TAF1B: variants seen among roughly 807,000 people sequenced by gnomAD.
TAF1B encodes the protein TATA box-binding protein-associated factor RNA polymerase I subunit B.
In TAF1B, 61 loss-of-function variants were observed where a neutral mutation model predicts 83.9. The observed-to-expected ratio is 0.73, with a 90% CI of 0.59 to 0.90. TAF1B has a LOEUF of 0.90. TAF1B is among the 40% of genes least tolerant of loss of function. The pLI, the probability that TAF1B is intolerant of heterozygous loss-of-function variation, is 0.00. For missense variants in TAF1B, 625 were observed against 677.0 expected, an observed-to-expected ratio of 0.92 and a Z score of 0.85; for synonymous variants, 221 against 224.6, an observed-to-expected ratio of 0.98 and a Z score of 0.14.
intron 6 of TAF1B, among the ~76,000 whole-genome samples, chr2:9,871,303 C>G (rs992945708): frequency 1.3e-5 from 2 of 152,020 alleles, no homozygotes. Context: ...AGGATGGCCT[C>G]GATCTCCTGA....
intron 2 of TAF1B, among the ~76,000 whole-genome samples, chr2:9,847,109 T>C (rs1276403013): frequency 6.6e-6 from 1 of 152,236 alleles, no homozygotes; most frequent in Non-Finnish European, 1.5e-5. Flanking sequence ...TGATTCTGTT[T>C]GATCAAATCT....
chr2:9,906,546 G>C (rs955784406), intron 9 of TAF1B, among the ~76,000 whole-genome samples: 1 of 152,136 alleles, frequency 6.6e-6, no homozygotes, highest in African/African-American at 2.4e-5. Flanking sequence ...AAAGGGAAGG[G>C]TTATGTAAAC....
chr2:9,868,788 T>C (rs1404529164), intron 6 of TAF1B: 2 of 449,634 alleles, frequency 4.4e-6, no homozygotes, highest in African/African-American at 2.0e-5. Context: ...TATAGTAAAA[T>C]AGACAAAGAT....
intron 12 of TAF1B, among the ~76,000 whole-genome samples, chr2:9,916,986 A>G (rs1432317826): frequency 6.6e-6 from 1 of 152,006 alleles, no homozygotes; most frequent in East Asian, 1.9e-4. Context: ...AGCTGAGATT[A>G]CAGGCATGTG....
chr2:9,881,986 ACCT>A (rs1473201388), intron 7 of TAF1B, among the ~76,000 whole-genome samples: 6 of 151,954 alleles, frequency 3.9e-5, no homozygotes, highest in Admixed American at 3.3e-4. Flanking sequence ...ATCAAGGTAG[ACCT>A]CCTTGAAGGA....
At chr2:9,859,736 A>G (rs1663690721) in intron 5 of TAF1B, among the ~76,000 whole-genome samples, 1 of 152,124 alleles carries the variant, frequency 6.6e-6, no homozygotes, top group African/African-American at 2.4e-5. Context: ...GGAATTTCCA[A>G]ACTTTCTTTC....
At chr2:9,909,531 A>G (rs760920274) in intron 9 of TAF1B, among the ~76,000 whole-genome samples, 16 of 152,200 alleles carry the variant, frequency 1.1e-4, no homozygotes, top group Non-Finnish European at 1.9e-4. Context: ...TGGGGGAACT[A>G]TGGAGATTAG....
intron 9 of TAF1B, among the ~76,000 whole-genome samples, chr2:9,906,183 T>C (rs1459110808): frequency 3.9e-5 from 6 of 152,228 alleles, no homozygotes; most frequent in African/African-American, 1.4e-4. Context: ...ATATAACTGA[T>C]GCAGCCTGGT....
At chr2:9,857,432 A>G (rs1663599116) in intron 5 of TAF1B, among the ~76,000 whole-genome samples, 1 of 152,200 alleles carries the variant, frequency 6.6e-6, no homozygotes, top group South Asian at 2.1e-4. Context: ...ATAGGAGTCA[A>G]TGATGACTCT....
At chr2:9,915,092 G>T (rs1360384388) in intron 12 of TAF1B, among the ~76,000 whole-genome samples, 1 of 152,326 alleles carries the variant, frequency 6.6e-6, no homozygotes, top group Admixed American at 6.5e-5. Flanking sequence ...CTACTTTGAT[G>T]ACTTCTAGCT....
At chr2:9,900,747 G>A (rs1665156877) in intron 8 of TAF1B, among the ~76,000 whole-genome samples, 1 of 152,076 alleles carries the variant, frequency 6.6e-6, no homozygotes, top group South Asian at 2.1e-4. Context: ...GAAAAGGGAG[G>A]TGTCAAGGAT....
At chr2:9,855,739 T>C (rs1663543737) in intron 5 of TAF1B, among the ~76,000 whole-genome samples, 1 of 152,208 alleles carries the variant, frequency 6.6e-6, no homozygotes, top group Non-Finnish European at 1.5e-5. Context: ...TAGCTTAGTC[T>C]AGCCCACTTT....
At position 9,933,844 on chromosome 2, in the gene TAF1B, C is replaced by T. The variant is rs779335921; in HGVS notation, c.1627C>T (p.Leu543=). 1 of 1,613,852 alleles carries T rather than the reference C, an allele frequency of 6.2e-7. No homozygotes were observed. The highest frequency in any genetic ancestry group is 8.5e-7 in the Non-Finnish European group (1 of 1,179,854). Reference sequence around the variant, plus strand: ...TTATTCTCTGAGTTATCAGTTTATACTAAATCTCTTCTCCTTCCTGCTCAG... The same window carrying T: ...TTATTCTCTGAGTTATCAGTTTATATTAAATCTCTTCTCCTTCCTGCTCAG... ...SNYSLSYQFI[L]NLFSFLLRIK... The change falls in exon 15 of 15, where the codon CTA becomes TTA. Residue 543 remains leucine (L), a synonymous_variant. Transcript: ENST00000263663.
intron 4 of TAF1B, chr2:9,851,851 T>A (rs1433557523): frequency 1.6e-6 from 1 of 641,634 alleles, no homozygotes; most frequent in Non-Finnish European, 2.9e-6. Context: ...AAAGAAAAAT[T>A]TAAAGGTTTT....
chr2:9,866,867 A>G (rs569988866), intron 5 of TAF1B, among the ~76,000 whole-genome samples: 5 of 151,904 alleles, frequency 3.3e-5, no homozygotes, highest in Non-Finnish European at 5.9e-5. Context: ...GTTCTCACTC[A>G]TAGGTGGGAA....
At chr2:9,868,545 C>A (rs1664068386) in intron 6 of TAF1B, 116 bp downstream of exon 6, 2 of 1,386,520 alleles carry the variant, frequency 1.4e-6, no homozygotes, top group Non-Finnish European at 2.0e-6. Flanking sequence ...GAGGAAGAAT[C>A]TAGCAAGGAA....
chr2:9,875,782 T>G, intron 6 of TAF1B, 83 bp from the exon 7 acceptor site: 1 of 1,412,138 alleles, frequency 7.1e-7, no homozygotes, highest in South Asian at 1.4e-5. Context: ...ATATTTAAAA[T>G]GCCTGTTTAG....
chr2:9,843,511 TC>T lies in TAF1B; in HGVS notation c.-28del. 2 of 1,523,808 alleles carry T rather than the reference TC, an allele frequency of 1.3e-6. No homozygotes were observed. Among genetic ancestry groups the T allele is most frequent in the Non-Finnish European group, 1.8e-6 (2 of 1,132,390 alleles). The allele number at this position is 1,523,808 out of a possible 1,614,324, so 94.4% of individuals were successfully genotyped here. A position where few individuals can be genotyped will look rare whatever the true frequency, so the allele number is the denominator to read the frequency against. On this transcript the variant is annotated 5_prime_UTR_variant, in exon 1 of 15. Coordinates refer to ENST00000263663, the MANE Select transcript of TAF1B (RefSeq NM_005680.3). ...CTGCGCTCGCTACCCGGGTAACGGGTCCCGGCTGTGGAAGCTCCCGCGGCGC... is the reference window on the plus strand; with the variant it reads ...CTGCGCTCGCTACCCGGGTAACGGGTCCGGCTGTGGAAGCTCCCGCGGCGC...
chr2:9,916,834 G>GTTGTTTTTTTTTTTTTTTT (rs1572282272), intron 12 of TAF1B, among the ~76,000 whole-genome samples: 2 of 44,848 alleles, frequency 4.5e-5, no homozygotes, highest in African/African-American at 9.1e-5. Context: ...TTTCCTTTCT[G>GTTGTTTTTTTTTTTTTTTT]TTCTTTTTTT....
Sources: allele counts gnomAD v4.1 joint callset (sites outside exome capture counted in the v4.1 genomes callset), GRCh38; gene constraint gnomAD v4.1.1; transcripts MANE v1.5; gene names NCBI Gene and HGNC (gene_info 2026-07-23, HGNC 2026-07-21).